The following CDK15 variants were observed in gnomAD, a reference collection of about 807,000 sequenced individuals.
CDK15 encodes the protein cyclin dependent kinase 15.
CDK15 carries 62 observed loss-of-function variants against 60.3 expected under a neutral mutation model. The ratio of observed to expected loss-of-function variants is 1.03; its 90% confidence interval spans 0.84 to 1.27. The LOEUF is 1.27. Ranked by LOEUF, CDK15 falls within the 50% of genes most tolerant of loss-of-function variation. The pLI is 0.00. For synonymous variants in CDK15, 194 were observed against 195.7 expected, an observed-to-expected ratio of 0.99 and a Z score of 0.07; for missense variants, 541 against 527.8, an observed-to-expected ratio of 1.03 and a Z score of -0.25.
At chr2:201,818,288 G>A (rs1299731582) in intron 4 of CDK15, among the ~76,000 whole-genome samples, 1 of 152,194 alleles carries the variant, frequency 6.6e-6, no homozygotes, top group Non-Finnish European at 1.5e-5. Context: ...TGGAGAATCA[G>A]CTTTCCTCTG....
intron 12 of CDK15, chr2:201,889,254 T>G: frequency 1.0e-6 from 1 of 985,382 alleles, no homozygotes; most frequent in Non-Finnish European, 1.2e-6. Flanking sequence ...TTGTGAGATA[T>G]TTTGAGCACC....
intron 10 of CDK15, among the ~76,000 whole-genome samples, chr2:201,865,888 T>TCAA (rs1476788046): frequency 2.4e-4 from 9 of 37,508 alleles, no homozygotes; most frequent in African/African-American, 1.6e-3. Flanking sequence ...AGATTCCATC[T>TCAA]CAACAAAAAA....
intron 9 of CDK15, chr2:201,854,612 T>C (rs1333463234): frequency 8.4e-6 from 4 of 475,694 alleles, no homozygotes; most frequent in African/African-American, 7.7e-5. Flanking sequence ...TGAGCAAGGC[T>C]GTATGATCTG....
In CDK15 at chr2:201,882,618, C is replaced by T. The variant is rs537483650; in HGVS notation, c.1198+2451C>T. Among the ~76,000 whole-genome samples, 93 of 149,862 alleles carry T rather than the reference C, an allele frequency of 6.2e-4. No individual in the cohort carries two copies. The highest frequency in any genetic ancestry group is 2.1e-3 in the Admixed American group (32 of 15,072). On this transcript the variant is annotated intron_variant, in intron 12 of 13. Coordinates refer to ENST00000652192, the MANE Select transcript of CDK15 (RefSeq NM_001366386.2). This position sits in a 1 kb window ranked among gnomAD's most constrained non-coding sequence, Gnocchi z 4.0. ...GCCGGTGCCAAGAGACAGGGAAAGG[C>T]GGGGGCAAGATTGGGTGTGTGTGCT...
At chr2:201,829,110 G>T (rs1374511902) in intron 6 of CDK15, among the ~76,000 whole-genome samples, 1 of 152,184 alleles carries the variant, frequency 6.6e-6, no homozygotes, top group African/African-American at 2.4e-5. Context: ...AAACAAAGAG[G>T]TGATAAATTC....
intron 12 of CDK15, among the ~76,000 whole-genome samples, 197 bp from the exon 13 acceptor site, chr2:201,890,583 AAATTG>A (rs1351773528): frequency 6.6e-6 from 1 of 152,268 alleles, no homozygotes; most frequent in Non-Finnish European, 1.5e-5. Context: ...AATATGCATT[AAATTG>A]AATTAAATAG....
chr2:201,823,121 A>G (rs1371348233), intron 5 of CDK15, among the ~76,000 whole-genome samples: 1 of 152,152 alleles, frequency 6.6e-6, no homozygotes, highest in Non-Finnish European at 1.5e-5. Flanking sequence ...TCCCCTCATC[A>G]GCAATAATAA....
chr2:201,828,999 G>C (rs957347031), intron 6 of CDK15, among the ~76,000 whole-genome samples: 7 of 152,106 alleles, frequency 4.6e-5, no homozygotes, highest in Admixed American at 1.3e-4. Flanking sequence ...AGATTCTAAG[G>C]ATTTTAGGAG....
Position 201,807,595 on chromosome 2 carries a change from T to C in CDK15, c.225T>C (p.Ser75=). Residue 75 remains serine (S), a synonymous_variant, in exon 2 of 14, where the codon AGT becomes AGC. Transcript: ENST00000652192. ...AGTTCAAGAGTAAAAGGCCACGGAG[T>C]AACAGTGATTGTTTTCAGGAAGAGG... ...AQKFKSKRPR[S]NSDCFQEEDL... The C allele has an allele frequency of 1.2e-6, 2 of 1,613,938 alleles. No individual in the cohort carries two copies. The highest frequency in any genetic ancestry group is 1.6e-4 in the Middle Eastern group (1 of 6,062).
intron 4 of CDK15, among the ~76,000 whole-genome samples, chr2:201,815,540 A>T (rs187677050): frequency 9.8e-5 from 15 of 152,320 alleles, no homozygotes; most frequent in Non-Finnish European, 1.6e-4. Flanking sequence ...TTGACTCTAG[A>T]ATTGTATTTT....
At chr2:201,806,854 T>C in intron 1 of CDK15, 67 bp downstream of exon 1, 1 of 1,556,496 alleles carries the variant, frequency 6.4e-7, no homozygotes, top group Non-Finnish European at 8.7e-7. Context: ...CACTCCCTTT[T>C]TGTAGCGGGA....
intron 5 of CDK15, 31 bp from the exon 6 acceptor site, chr2:201,823,634 C>G: frequency 7.6e-6 from 12 of 1,587,422 alleles, no homozygotes; most frequent in South Asian, 1.1e-5. Context: ...ACTAAATTCA[C>G]TCACTTCTCT....
At chr2:201,854,764 A>G in intron 9 of CDK15, 110 bp from the exon 10 acceptor site, 1 of 857,764 alleles carries the variant, frequency 1.2e-6, no homozygotes, top group Admixed American at 2.0e-5. Flanking sequence ...TGGGACATAC[A>G]TCTGACGCTT....
At chr2:201,891,327 G>A (rs905159082) in intron 13 of CDK15, among the ~76,000 whole-genome samples, 1 of 152,180 alleles carries the variant, frequency 6.6e-6, no homozygotes, top group African/African-American at 2.4e-5. Flanking sequence ...TGCCCAGCTG[G>A]AAATCTATTT....
chr2:201,873,355 A>G (rs1429859145), intron 11 of CDK15, among the ~76,000 whole-genome samples: 1 of 152,208 alleles, frequency 6.6e-6, no homozygotes, highest in Non-Finnish European at 1.5e-5. Flanking sequence ...GACAGGTTCT[A>G]GGGAACTACT....
intron 8 of CDK15, among the ~76,000 whole-genome samples, chr2:201,845,184 A>T (rs2105769852): frequency 6.6e-6 from 1 of 152,204 alleles, no homozygotes; most frequent in East Asian, 1.9e-4. Flanking sequence ...CAATAAAAAC[A>T]ACCTGTTGCT....
In CDK15 at chr2:201,872,275, C is replaced by T; in HGVS notation, c.1010-3C>T. ...TTTTTAACGCCCTCTGTATGCTTCC[C>T]AGAATGGTTCCCACTGCCTACGCCT... On this transcript the variant is annotated splice_polypyrimidine_tract_variant and splice_region_variant and intron_variant, in intron 10 of 13. Coordinates refer to ENST00000652192, the MANE Select transcript of CDK15 (RefSeq NM_001366386.2). The T allele has an allele frequency of 6.2e-7, 1 of 1,614,012 alleles. No individual in the cohort carries two copies.
At chr2:201,828,220 A>T (rs1297882113) in intron 6 of CDK15, among the ~76,000 whole-genome samples, 2 of 152,206 alleles carry the variant, frequency 1.3e-5, no homozygotes, top group Non-Finnish European at 2.9e-5. Flanking sequence ...AGCAGTAGGC[A>T]ACCTAAAAGG....
Position 201,894,883 on chromosome 2 carries a change from C to A in CDK15, c.*1616C>A, listed in dbSNP as rs1373512943. ...CAATGAACAGCAGGCCAAAACAACA[C>A]TTACTTGCATCAAATTTCATCTGAC... On this transcript the variant is annotated 3_prime_UTR_variant, in exon 14 of 14. Coordinates refer to ENST00000652192, the MANE Select transcript of CDK15 (RefSeq NM_001366386.2). The A allele has an allele frequency of 6.6e-6, 1 of 152,192 alleles. No individual in the cohort carries two copies. The highest frequency in any genetic ancestry group is 1.5e-5 in the Non-Finnish European group (1 of 68,036). 9.4% of individuals were successfully genotyped at this position (152,192 alleles called of 1,614,324 possible).
Sources: allele counts gnomAD v4.1 joint callset (sites outside exome capture counted in the v4.1 genomes callset), GRCh38; gene constraint gnomAD v4.1.1; non-coding constraint Gnocchi (gnomAD v3.1); transcripts MANE v1.5; gene names NCBI Gene and HGNC (gene_info 2026-07-23, HGNC 2026-07-21).